The following HIVEP3 variants were observed in gnomAD, a reference collection of about 807,000 sequenced individuals.
HIVEP3 encodes transcription factor HIVEP3.
HIVEP3 carries 49 observed loss-of-function variants against 152.8 expected under a neutral mutation model. That is an observed-to-expected ratio of 0.32 (90% CI 0.26 to 0.41). HIVEP3 has a LOEUF of 0.41. Ranked by LOEUF, HIVEP3 falls within the 10% of genes least tolerant of loss-of-function variation. HIVEP3 has a pLI of 1.00. For missense variants in HIVEP3, 2,790 were observed against 3,103.3 expected, an observed-to-expected ratio of 0.90 and a Z score of 2.40; for synonymous variants, 1,269 against 1,289.0, an observed-to-expected ratio of 0.98 and a Z score of 0.33.
At chr1:41,596,604 A>G (rs1025498266) in intron 3 of HIVEP3, among the ~76,000 whole-genome samples, 1 of 152,226 alleles carries the variant, frequency 6.6e-6, no homozygotes, top group Non-Finnish European at 1.5e-5. Flanking sequence ...CACTCAGTAA[A>G]ATATTAAAAA....
chr1:41,974,486 T>TACACACACAC (rs66882363), intron 1 of HIVEP3, among the ~76,000 whole-genome samples: 17,640 of 134,024 alleles, frequency 0.13, 1,350 homozygotes, highest in Non-Finnish European at 0.17. Context: ...CTCCACCCCC[T>TACACACACAC]ACACACACAC....
chr1:41,965,922 T>C (rs1306060125), intron 1 of HIVEP3, among the ~76,000 whole-genome samples: 1 of 151,976 alleles, frequency 6.6e-6, no homozygotes, highest in Admixed American at 6.6e-5. Flanking sequence ...CCAAGACACA[T>C]TATCGTCAGA....
At chr1:41,878,896 CT>C (rs1163630415) in intron 1 of HIVEP3, among the ~76,000 whole-genome samples, 1 of 134,330 alleles carries the variant, frequency 7.4e-6, no homozygotes, top group Non-Finnish European at 1.6e-5. Context: ...CTTTTTTTTC[CT>C]ACCTTTCCTT....
At chr1:41,857,609 T>C (rs983565115) in intron 1 of HIVEP3, among the ~76,000 whole-genome samples, 2 of 152,156 alleles carry the variant, frequency 1.3e-5, no homozygotes, top group African/African-American at 4.8e-5. Flanking sequence ...AGACGGGAAC[T>C]AATATTCATC....
In HIVEP3 at chr1:41,812,218, A is replaced by G. The variant is rs553751534; in HGVS notation, c.-801+106195T>C. ...ACAGGGCCTTCATTAAGCAAACTTA[A>G]CAAACACGAGGAGCACAAACAGAAA... On this transcript the variant is annotated intron_variant, in intron 1 of 8. Coordinates refer to ENST00000372583, the MANE Select transcript of HIVEP3 (RefSeq NM_024503.5). Among the ~76,000 whole-genome samples, 11 of 152,250 alleles carry G rather than the reference A, an allele frequency of 7.2e-5. No individual in the cohort carries two copies. The South Asian group carries it at 1.7e-3, about 23-fold the overall frequency.
At chr1:41,861,626 T>G (rs1397621405) in intron 1 of HIVEP3, among the ~76,000 whole-genome samples, 1 of 152,186 alleles carries the variant, frequency 6.6e-6, no homozygotes, top group Non-Finnish European at 1.5e-5. Flanking sequence ...ATCCTGCACA[T>G]GCTGCCTGCA....
chr1:41,860,973 G>T (rs1418996369), intron 1 of HIVEP3, among the ~76,000 whole-genome samples: 1 of 152,192 alleles, frequency 6.6e-6, no homozygotes, highest in Admixed American at 6.5e-5. Context: ...GCAAAGCCAG[G>T]ACTAGGTTCT....
chr1:41,926,337 T>C (rs551294477), intron 1 of HIVEP3, among the ~76,000 whole-genome samples: 4 of 152,316 alleles, frequency 2.6e-5, no homozygotes, highest in African/African-American at 9.6e-5. Context: ...TTTAGCCCTA[T>C]TATGTTTCAT....
intron 1 of HIVEP3, among the ~76,000 whole-genome samples, chr1:41,875,981 A>G (rs1022371518): frequency 6.6e-5 from 10 of 152,198 alleles, no homozygotes; most frequent in Admixed American, 4.6e-4. Context: ...CTGACATACA[A>G]CAGCTACTCT....
chr1:41,658,542 C>T (rs770579957), intron 2 of HIVEP3, among the ~76,000 whole-genome samples: 1 of 152,148 alleles, frequency 6.6e-6, no homozygotes. Context: ...GCCTGCTACA[C>T]CCCCGGGCCT....
rs1434780178 is a variant in HIVEP3, at chr1:42,034,108, C to G, written n.119+1699G>C. Among the ~76,000 whole-genome samples, 4 of 152,180 alleles carry G rather than the reference C, an allele frequency of 2.6e-5. No homozygotes were observed. The East Asian group carries it at 7.7e-4, about 29-fold the overall frequency. On this transcript the variant is annotated intron_variant and non_coding_transcript_variant, in intron 1 of 3. Transcript: ENST00000489103. ...AAATCAAAACCAAATCTTGTTAGCTCTGAATTTTGTCTAAAAATAAATTAG... is the reference window on the plus strand; with the variant it reads ...AAATCAAAACCAAATCTTGTTAGCTGTGAATTTTGTCTAAAAATAAATTAG...
At chr1:41,554,572 T>C (rs767974073) in intron 5 of HIVEP3, among the ~76,000 whole-genome samples, 5 of 152,254 alleles carry the variant, frequency 3.3e-5, no homozygotes, top group Admixed American at 2.6e-4. Flanking sequence ...AGAGGCACTC[T>C]GATCTTTAGA....
chr1:41,777,821 C>T (rs1031867234), intron 1 of HIVEP3, among the ~76,000 whole-genome samples: 4 of 152,216 alleles, frequency 2.6e-5, no homozygotes, highest in African/African-American at 9.7e-5. Context: ...AGTAGTCCAC[C>T]CAGCTCCTTG....
rs749629212 is a variant in HIVEP3, at chr1:41,744,205, A to AT, written c.-800-43211dup. 3.9e-4 allele frequency among the ~76,000 whole-genome samples: 59 copies of AT among 152,068 alleles called. No individual in the cohort carries two copies. The East Asian group carries it at 4.8e-3, about 12-fold the overall frequency. ...AGGCGCCTGCCACCACGCCCGGCTA[A>AT]TTTTTTTGTATTTTTAGTAGAGATG... On this transcript the variant is annotated intron_variant, in intron 1 of 8. Coordinates refer to ENST00000372583, the MANE Select transcript of HIVEP3 (RefSeq NM_024503.5).
At chr1:41,943,142 G>A (rs1329257658) in intron 1 of HIVEP3, among the ~76,000 whole-genome samples, 3 of 151,834 alleles carry the variant, frequency 2.0e-5, no homozygotes, top group South Asian at 2.1e-4. Flanking sequence ...TCCTGACCTC[G>A]TGATCCACCT....
At chr1:41,803,930 T>C (rs1190063353) in intron 1 of HIVEP3, among the ~76,000 whole-genome samples, 1 of 152,206 alleles carries the variant, frequency 6.6e-6, no homozygotes, top group Non-Finnish European at 1.5e-5. Context: ...TGTTCCCTTT[T>C]TGTCTTCATT....
At chr1:41,620,506 A>G (rs1645031554) in intron 3 of HIVEP3, among the ~76,000 whole-genome samples, 2 of 151,934 alleles carry the variant, frequency 1.3e-5, no homozygotes, top group Non-Finnish European at 1.5e-5. Context: ...TTTTCTTCCT[A>G]GATGCCTGTA....
At chr1:41,865,628 G>A (rs982194995) in intron 1 of HIVEP3, 1 of 152,178 alleles carries the variant, frequency 6.6e-6, no homozygotes, top group Non-Finnish European at 1.5e-5. Context: ...GCAGAGATGA[G>A]AATTATTTTG....
At chr1:42,032,142 AATGCGCCCCCG>A (rs1053124569) in intron 1 of HIVEP3, among the ~76,000 whole-genome samples, 3 of 152,220 alleles carry the variant, frequency 2.0e-5, no homozygotes, top group Non-Finnish European at 4.4e-5. Context: ...AAGCGCAGCC[AATGCGCCCCCG>A]GCCCAACTCC....
Sources: gnomAD v4.1 joint callset for allele counts (sites outside exome capture counted in the v4.1 genomes callset) on GRCh38, gnomAD v4.1.1 for gene constraint, MANE v1.5 for transcripts, NCBI Gene and HGNC (gene_info 2026-07-23, HGNC 2026-07-21) for gene names.